Variants in TCF4 observed in about 807,000 individuals in gnomAD.
The protein encoded by TCF4 is transcription factor 4.
In TCF4, 3 loss-of-function variants were observed where a neutral mutation model predicts 82.1. That is an observed-to-expected ratio of 0.04 (90% CI 0.02 to 0.09). The LOEUF (loss-of-function observed/expected upper bound fraction) is 0.09, where lower values mean the gene tolerates loss of function less well. Among genes scored for constraint, TCF4 ranks in the 10% least tolerant of loss-of-function variants. The pLI is 1.00. For missense variants in TCF4, 518 were observed against 852.7 expected, an observed-to-expected ratio of 0.61 and a Z score of 4.89; for synonymous variants, 276 against 309.6, an observed-to-expected ratio of 0.89 and a Z score of 1.14.
At chr18:55,228,460 T>C (rs975683299) in intron 18 of TCF4, 99 bp from the exon 19 acceptor site, 13 of 1,509,450 alleles carry the variant, frequency 8.6e-6, no homozygotes, top group Non-Finnish European at 1.2e-5. Flanking sequence ...TTTCTCAGTG[T>C]TTATATTACA....
At chr18:55,616,236 T>G (rs2097711745) in intron 2 of TCF4, among the ~76,000 whole-genome samples, 1 of 152,150 alleles carries the variant, frequency 6.6e-6, no homozygotes, top group African/African-American at 2.4e-5. Context: ...GTATTTGTCC[T>G]TCTGTGACTG....
Position 55,478,573 on chromosome 18 carries a change from C to T in TCF4, c.146-14436G>A, listed in dbSNP as rs539672771. ...TACACAAAAGAAACCGCGAAATCTGCAGTTACAAGTAAGAAACCTACAGAA... is the reference window on the plus strand; with the variant it reads ...TACACAAAAGAAACCGCGAAATCTGTAGTTACAAGTAAGAAACCTACAGAA... On this transcript the variant is annotated intron_variant, in intron 3 of 19. Coordinates refer to ENST00000354452, the MANE Select transcript of TCF4 (RefSeq NM_001083962.2). 3.9e-5 allele frequency among the ~76,000 whole-genome samples: 6 copies of T among 152,220 alleles called. No individual in the cohort carries two copies. The East Asian group carries it at 1.2e-3, about 30-fold the overall frequency.
intron 8 of TCF4, among the ~76,000 whole-genome samples, chr18:55,331,582 G>C (rs1329420353): frequency 6.6e-6 from 1 of 152,154 alleles, no homozygotes; most frequent in Non-Finnish European, 1.5e-5. Flanking sequence ...AGAGAAGAGA[G>C]TTTGTCGGAA....
intron 3 of TCF4, among the ~76,000 whole-genome samples, chr18:55,544,681 TTGA>T (rs2097190836): frequency 6.6e-6 from 1 of 152,134 alleles, no homozygotes; most frequent in Non-Finnish European, 1.5e-5. Flanking sequence ...ATAAGCAAAC[TTGA>T]TGGTTTGTAA....
intron 6 of TCF4, among the ~76,000 whole-genome samples, chr18:55,394,390 G>C (rs1366526987): frequency 6.6e-6 from 1 of 152,154 alleles, no homozygotes; most frequent in Non-Finnish European, 1.5e-5. Context: ...ACATGGCTTT[G>C]AGGTAGCTTG....
intron 8 of TCF4, among the ~76,000 whole-genome samples, chr18:55,315,556 G>C (rs2073920282): frequency 6.6e-6 from 1 of 152,196 alleles, no homozygotes; most frequent in East Asian, 1.9e-4. Flanking sequence ...AGTTTAAGTG[G>C]AGTTCATGTA....
At chr18:55,440,797 C>T (rs1016731538) in intron 5 of TCF4, among the ~76,000 whole-genome samples, 2 of 152,116 alleles carry the variant, frequency 1.3e-5, no homozygotes, top group African/African-American at 4.8e-5. Flanking sequence ...CTGTGCTCTC[C>T]AGTTTTCCAT....
At chr18:55,262,080 T>C (rs1466475960) in intron 11 of TCF4, among the ~76,000 whole-genome samples, 4 of 152,184 alleles carry the variant, frequency 2.6e-5, no homozygotes, top group African/African-American at 9.7e-5. Context: ...AAATAACATA[T>C]ATTCTCCACA....
chr18:55,354,932 G>A (rs1046197165), intron 6 of TCF4, among the ~76,000 whole-genome samples: 1 of 152,142 alleles, frequency 6.6e-6, no homozygotes, highest in Non-Finnish European at 1.5e-5. Context: ...TTGTGATCCG[G>A]TATCAGACAC....
intron 2 of TCF4, among the ~76,000 whole-genome samples, chr18:55,617,840 T>C (rs879410277): frequency 2.6e-5 from 4 of 151,654 alleles, no homozygotes; most frequent in Non-Finnish European, 4.4e-5. Flanking sequence ...TGTGTGTGTG[T>C]GTGTGTGTGT....
At chr18:55,429,707 G>A (rs1056799952) in intron 5 of TCF4, among the ~76,000 whole-genome samples, 6 of 119,778 alleles carry the variant, frequency 5.0e-5, no homozygotes, top group African/African-American at 1.9e-4. Context: ...CTTGCGATGA[G>A]CCAAGATGGC....
intron 15 of TCF4, among the ~76,000 whole-genome samples, chr18:55,235,781 C>T (rs2049180789): frequency 6.6e-6 from 1 of 151,826 alleles, no homozygotes; most frequent in South Asian, 2.1e-4. Flanking sequence ...AAAAATTAAC[C>T]ATACATTTAT....
intron 6 of TCF4, among the ~76,000 whole-genome samples, chr18:55,356,866 G>A (rs578257097): frequency 6.6e-6 from 1 of 152,194 alleles, no homozygotes; most frequent in Non-Finnish European, 1.5e-5. Context: ...GAAATCAATT[G>A]CCTTAAACAA....
chr18:55,565,110 T>A (rs896009621), intron 3 of TCF4, among the ~76,000 whole-genome samples: 3 of 152,120 alleles, frequency 2.0e-5, no homozygotes, highest in Admixed American at 6.5e-5. Context: ...TCCATTTTTT[T>A]AAAAAGAACA....
chr18:55,262,900 G>A (rs563983214), intron 11 of TCF4, among the ~76,000 whole-genome samples: 7 of 152,152 alleles, frequency 4.6e-5, no homozygotes, highest in East Asian at 1.9e-4. Context: ...TCTGCCTTCC[G>A]GGTTCAAGCA....
chr18:55,452,722 T>C (rs532219365), intron 5 of TCF4: 1 of 152,438 alleles, frequency 6.6e-6, no homozygotes, highest in East Asian at 1.9e-4. Flanking sequence ...TAAGGAGAGC[T>C]GGCTTTGGCT....
chr18:55,254,530 G>T lies in TCF4; in HGVS notation c.1317C>A (p.Thr439=). 1 of 1,613,614 alleles carries T rather than the reference G, an allele frequency of 6.2e-7. No homozygotes were observed. Among genetic ancestry groups the T allele is most frequent in the South Asian group, 1.1e-5 (1 of 91,070 alleles). Reference sequence around the variant, plus strand: ...AATGTCTGTTGGCTGAAAGAAGGCCGGTTCCATACCCTGAGCCCAGACCAC... The same window carrying T: ...AATGTCTGTTGGCTGAAAGAAGGCCTGTTCCATACCCTGAGCCCAGACCAC... ...AMGGLGSGYG[T]GLLSANRHSL... is the part of the protein sequence containing the mutation. Residue 439 remains threonine (T), a synonymous_variant, in exon 15 of 20, where the codon ACC becomes ACA. Coordinates refer to ENST00000354452, the MANE Select transcript of TCF4 (RefSeq NM_001083962.2).
chr18:55,541,156 A>G (rs374074148), intron 3 of TCF4, among the ~76,000 whole-genome samples: 1 of 151,962 alleles, frequency 6.6e-6, no homozygotes, highest in Admixed American at 6.6e-5. Context: ...TAAATGCTCT[A>G]TTCTTGATTT....
chr18:55,357,539 T>G (rs1248849416), intron 6 of TCF4, among the ~76,000 whole-genome samples: 2 of 152,180 alleles, frequency 1.3e-5, no homozygotes, highest in Non-Finnish European at 2.9e-5. Flanking sequence ...ACTAGGGAAT[T>G]AGCAACACTT....
Sources: gnomAD v4.1 joint callset for allele counts (sites outside exome capture counted in the v4.1 genomes callset) on GRCh38, gnomAD v4.1.1 for gene constraint, MANE v1.5 for transcripts, NCBI Gene and HGNC (gene_info 2026-07-23, HGNC 2026-07-21) for gene names.